GPR141: variants seen among roughly 807,000 people sequenced by gnomAD.
GPR141 encodes probable G protein-coupled receptor 141.
In GPR141, 6 loss-of-function variants were observed where a neutral mutation model predicts 6.8. The ratio of observed to expected loss-of-function variants is 0.88; its 90% CI spans 0.48 to 1.74. GPR141 has a LOEUF of 1.74. Ranked by LOEUF, GPR141 falls within the 40% of genes most tolerant of loss-of-function variation. The pLI is 0.01. For synonymous variants in GPR141, 140 were observed against 142.3 expected (o/e 0.98, Z 0.11); for missense variants, 372 against 372.9 (o/e 1.00, Z 0.02).
chr7:37,723,256 G>A (rs1247976022), intron 2 of GPR141, among the ~76,000 whole-genome samples: 1 of 151,998 alleles, frequency 6.6e-6, no homozygotes, highest in Non-Finnish European at 1.5e-5. Context: ...GCCTCCCAAA[G>A]TGCCTGGATT....
At chr7:37,697,197 A>C (rs1418194627) in intron 2 of GPR141, among the ~76,000 whole-genome samples, 1 of 151,980 alleles carries the variant, frequency 6.6e-6, no homozygotes, top group Non-Finnish European at 1.5e-5. Context: ...TTTTTCCCAG[A>C]TACTTAATTA....
chr7:37,716,609 T>G (rs1391145508), intron 2 of GPR141, among the ~76,000 whole-genome samples: 1 of 152,192 alleles, frequency 6.6e-6, no homozygotes, highest in Admixed American at 6.5e-5. Flanking sequence ...GGATCAGTTT[T>G]TCCAATAAGT....
intron 2 of GPR141, among the ~76,000 whole-genome samples, chr7:37,710,464 A>G (rs149281093): frequency 1.0e-3 from 157 of 152,298 alleles, no homozygotes; most frequent in African/African-American, 3.5e-3. Flanking sequence ...TTTGGTATAT[A>G]TCTCTACAAG....
chr7:37,705,437 A>C (rs545346839), intron 2 of GPR141, among the ~76,000 whole-genome samples: 2 of 152,288 alleles, frequency 1.3e-5, no homozygotes, highest in East Asian at 3.9e-4. Flanking sequence ...AGAGAAAGGA[A>C]ATTCTGGGGA....
intron 2 of GPR141, among the ~76,000 whole-genome samples, chr7:37,724,888 G>T (rs1398992060): frequency 6.6e-6 from 1 of 152,078 alleles, no homozygotes; most frequent in Non-Finnish European, 1.5e-5. Flanking sequence ...TGTCCTGCTG[G>T]GCCTCTGGAG....
At chr7:37,688,471 G>T (rs949836305) in intron 2 of GPR141, among the ~76,000 whole-genome samples, 2 of 152,108 alleles carry the variant, frequency 1.3e-5, no homozygotes, top group African/African-American at 4.8e-5. Context: ...AAATTACAAT[G>T]TAGTAAAAAG....
intron 2 of GPR141, among the ~76,000 whole-genome samples, chr7:37,702,692 T>C (rs1810334255): frequency 1.3e-5 from 2 of 150,394 alleles, no homozygotes; most frequent in African/African-American, 4.9e-5. Flanking sequence ...CATATGTAAC[T>C]AACCTGCACA....
intron 2 of GPR141, among the ~76,000 whole-genome samples, chr7:37,720,139 G>A (rs1225884041): frequency 6.6e-6 from 1 of 152,212 alleles, no homozygotes. Context: ...GAAGGCTTGG[G>A]ACTCAGCAGG....
intron 2 of GPR141, among the ~76,000 whole-genome samples, chr7:37,694,208 A>T (rs908473739): frequency 6.6e-6 from 1 of 152,224 alleles, no homozygotes; most frequent in Non-Finnish European, 1.5e-5. Flanking sequence ...ACTGGAAGGG[A>T]TGAGAAGCAG....
intron 2 of GPR141, among the ~76,000 whole-genome samples, chr7:37,722,613 T>G (rs1811390489): frequency 6.6e-6 from 1 of 151,730 alleles, no homozygotes; most frequent in South Asian, 2.1e-4. Flanking sequence ...TCCCAGCTGC[T>G]TGGGAGGTTG....
chr7:37,694,931 G>A (rs1392736023), intron 2 of GPR141, among the ~76,000 whole-genome samples: 1 of 152,186 alleles, frequency 6.6e-6, no homozygotes, highest in Non-Finnish European at 1.5e-5. Flanking sequence ...CAGTGACTGG[G>A]AAGGGTAGAT....
intron 2 of GPR141, among the ~76,000 whole-genome samples, chr7:37,708,310 C>CAGAAA (rs1810622287): frequency 1.7e-5 from 1 of 59,776 alleles, no homozygotes; most frequent in Non-Finnish European, 2.8e-5. Context: ...AAATTGCTGG[C>CAGAAA]AAAAAAAAAA....
Position 37,740,421 on chromosome 7 carries a change from T to C in GPR141, c.28T>C (p.Ser10Pro), listed in dbSNP as rs370251580. The change falls in exon 3 of 3, where the codon TCC (serine) becomes CCC (proline). Residue 10 changes from serine (S) to proline (P), a missense_variant. By Grantham distance (74) the Ser-to-Pro change is moderately conservative. Coordinates refer to ENST00000334425, the MANE Select transcript of GPR141 (RefSeq NM_001381946.1). MPGHNTSRN[S>P]SCDPIVTPHL... ...GCCTGGCCACAATACCTCCAGGAAT[T>C]CCTCTTGCGATCCTATAGTGACACC... is the stretch of plus-strand genomic sequence containing the variant. 58 of 1,604,340 alleles carry C rather than the reference T, an allele frequency of 3.6e-5. No homozygotes were observed. The highest frequency in any genetic ancestry group is 4.4e-5 in the Non-Finnish European group (52 of 1,172,830).
intron 2 of GPR141, among the ~76,000 whole-genome samples, chr7:37,689,921 AT>A: frequency 7.1e-6 from 1 of 140,426 alleles, no homozygotes; most frequent in African/African-American, 2.6e-5. Flanking sequence ...GATCGTTATT[AT>A]TTCTTTCCTT....
intron 2 of GPR141, among the ~76,000 whole-genome samples, chr7:37,732,041 A>ATTTG (rs1337237538): frequency 2.1e-5 from 3 of 145,358 alleles, no homozygotes; most frequent in Admixed American, 2.1e-4. Flanking sequence ...TTTTATTTTT[A>ATTTG]TTTATTTATT....
At chr7:37,708,703 A>G (rs1385809922) in intron 2 of GPR141, among the ~76,000 whole-genome samples, 1 of 152,158 alleles carries the variant, frequency 6.6e-6, no homozygotes, top group African/African-American at 2.4e-5. Context: ...TATTAGCTTC[A>G]TTATGTAAGA....
intron 2 of GPR141, among the ~76,000 whole-genome samples, chr7:37,720,197 G>T (rs908271998): frequency 1.3e-5 from 2 of 152,182 alleles, no homozygotes; most frequent in Admixed American, 6.5e-5. Flanking sequence ...CAGAGAAAAG[G>T]TGTGCCATGA....
At chr7:37,708,383 T>C (rs1389324247) in intron 2 of GPR141, among the ~76,000 whole-genome samples, 1 of 149,316 alleles carries the variant, frequency 6.7e-6, no homozygotes, top group Non-Finnish European at 1.5e-5. Context: ...AGCAGAGAGT[T>C]GTTCTTGAAT....
At chr7:37,695,880 T>C (rs1809994468) in intron 2 of GPR141, among the ~76,000 whole-genome samples, 1 of 152,206 alleles carries the variant, frequency 6.6e-6, no homozygotes, top group Admixed American at 6.5e-5. Flanking sequence ...GGTTATCCCC[T>C]GATTATCTCT....
Sources: allele counts gnomAD v4.1 joint callset (sites outside exome capture counted in the v4.1 genomes callset), GRCh38; gene constraint gnomAD v4.1.1; transcripts MANE v1.5; gene names NCBI Gene and HGNC (gene_info 2026-07-23, HGNC 2026-07-21).